PARVB: variants seen among roughly 807,000 people sequenced by gnomAD.
The protein encoded by PARVB is parvin beta.
A neutral mutation model predicts 47.0 loss-of-function variants in PARVB; 46 were observed. The ratio of observed to expected loss-of-function variants is 0.98; its 90% CI spans 0.77 to 1.25. The LOEUF (loss-of-function observed/expected upper bound fraction) is 1.25. PARVB is among the 50% of genes most tolerant of loss of function. The probability of loss-of-function intolerance (pLI) is 0.00; values close to 1 mark genes in which losing one functional copy is unlikely to be tolerated. For missense variants in PARVB, 473 were observed against 471.6 expected (o/e 1.00, Z -0.03); for synonymous variants, 196 against 196.3 (o/e 1.00, Z 0.01).
intron 1 of PARVB, among the ~76,000 whole-genome samples, chr22:44,055,615 G>A (rs1426674781): frequency 1.3e-5 from 2 of 152,036 alleles, no homozygotes; most frequent in South Asian, 2.1e-4. Context: ...TTACAGGCGT[G>A]AGCCACCGCG....
chr22:44,019,794 A>AC (rs1200601062), upstream of PARVB, among the ~76,000 whole-genome samples: 4 of 151,828 alleles, frequency 2.6e-5, no homozygotes, highest in Non-Finnish European at 4.4e-5. Context: ...GGACCCACAC[A>AC]CCCCCCATCA....
At chr22:44,017,731 C>T (rs924924122) in intron 2 of PARVB, among the ~76,000 whole-genome samples, 1 of 152,198 alleles carries the variant, frequency 6.6e-6, no homozygotes, top group African/African-American at 2.4e-5. Context: ...TGTCTTCAGC[C>T]TCTGGACCTC....
At chr22:44,132,309 G>A (rs1347562317) in intron 5 of PARVB, among the ~76,000 whole-genome samples, 3 of 152,222 alleles carry the variant, frequency 2.0e-5, no homozygotes, top group South Asian at 2.1e-4. Flanking sequence ...GGGTGGCTGG[G>A]TCCGTGGGTG....
At chr22:44,122,524 GAGACAGAGA>G (rs2053079085) in intron 4 of PARVB, among the ~76,000 whole-genome samples, 1 of 79,942 alleles carries the variant, frequency 1.3e-5, no homozygotes, top group African/African-American at 5.9e-5. Flanking sequence ...GAGAGACAGA[GAGACAGAGA>G]GAGAGAGAGA....
intron 2 of PARVB, among the ~76,000 whole-genome samples, chr22:44,006,097 C>G (rs909392358): frequency 6.6e-6 from 1 of 152,234 alleles, no homozygotes; most frequent in Admixed American, 6.5e-5. Flanking sequence ...CGCATGCCAC[C>G]ATGCCCAGCT....
chr22:44,100,714 G>A (rs1212422640), intron 3 of PARVB, among the ~76,000 whole-genome samples: 1 of 152,216 alleles, frequency 6.6e-6, no homozygotes, highest in Non-Finnish European at 1.5e-5. Context: ...CTCCAGCGTG[G>A]CTCCTGCTCA....
intron 1 of PARVB, among the ~76,000 whole-genome samples, chr22:44,084,287 C>A (rs369526236): frequency 1.2e-4 from 18 of 152,236 alleles, no homozygotes; most frequent in African/African-American, 4.3e-4. Flanking sequence ...CCTGCTCCAC[C>A]CCAGAGCTGA....
rs1399946515 is a variant in PARVB at position 44,115,185 on chromosome 22, T to G, written c.274-3853T>G. On this transcript the variant is annotated intron_variant, in intron 3 of 12. Transcript: ENST00000338758. ...AAGGCCCTGTACCAACACAGATACT[T>G]TGTTACTAAGTAAGGCCCTGCACCA... 4 of 75,026 alleles carry G rather than the reference T, an allele frequency of 5.3e-5. 2 individuals carry two copies. Among genetic ancestry groups the G allele is most frequent in the African/African-American group, 2.8e-4 (4 of 14,368 alleles). 4.6% of individuals were successfully genotyped at this position (75,026 alleles called of 1,614,324 possible).
upstream of PARVB, among the ~76,000 whole-genome samples, chr22:44,023,161 T>C (rs554689244): frequency 6.6e-6 from 1 of 152,312 alleles, no homozygotes; most frequent in East Asian, 1.9e-4. Flanking sequence ...CTCCAGCACC[T>C]GCTGAGCAGC....
chr22:44,051,567 G>A (rs988767155), intron 1 of PARVB, among the ~76,000 whole-genome samples: 5 of 152,176 alleles, frequency 3.3e-5, no homozygotes, highest in African/African-American at 9.7e-5. Context: ...GCTGGAAGGA[G>A]CCCTTCCTGT....
intron 6 of PARVB, among the ~76,000 whole-genome samples, chr22:44,135,987 C>A (rs899804472): frequency 6.6e-6 from 1 of 152,236 alleles, no homozygotes; most frequent in Non-Finnish European, 1.5e-5. Flanking sequence ...TCTGCAAAGA[C>A]CCTTATTTCC....
intron 1 of PARVB, among the ~76,000 whole-genome samples, chr22:44,075,074 A>G (rs1161775279): frequency 6.6e-6 from 1 of 152,140 alleles, no homozygotes; most frequent in Non-Finnish European, 1.5e-5. Context: ...AAGTGTCTCC[A>G]GATGCCACTA....
At position 44,094,018 on chromosome 22, in the gene PARVB, G is replaced by A. The variant is rs993530980; in HGVS notation, c.202+1G>A. 4 of 1,578,212 alleles carry A rather than the reference G, an allele frequency of 2.5e-6. No individual in the cohort carries two copies. Among genetic ancestry groups the A allele is most frequent in the South Asian group, 2.2e-5 (2 of 89,886 alleles). ...GTTCACCCTGAAGACACCCAGCTTG[G>A]TACGGGGGTTCCTCCGCTCCCTGCC... On this transcript the variant is annotated splice_donor_variant, in intron 2 of 12. Coordinates refer to ENST00000338758, the MANE Select transcript of PARVB (RefSeq NM_013327.5). LOFTEE classifies it high-confidence loss of function.
intron 12 of PARVB, among the ~76,000 whole-genome samples, chr22:44,164,134 C>A (rs1002386496): frequency 6.6e-6 from 1 of 152,172 alleles, no homozygotes; most frequent in African/African-American, 2.4e-5. Flanking sequence ...GCTGGCAGTG[C>A]CGGTTCTTTA....
chr22:44,101,464 T>A (rs1172241915), intron 3 of PARVB, among the ~76,000 whole-genome samples: 1 of 151,452 alleles, frequency 6.6e-6, no homozygotes, highest in East Asian at 1.9e-4. Flanking sequence ...AAAATCTACA[T>A]TGAGACCGGG....
rs770617550 is a variant in PARVB, at chr22:44,093,989, G to T, written c.174G>T (p.Val58=). Residue 58 remains valine (V), a synonymous_variant, in exon 2 of 13, where the codon GTG becomes GTT. Transcript: ENST00000338758. The part of the protein sequence containing the change: ...AINSPMSPAL[V]DVHPEDTQLE... ...ACTCACCGATGTCCCCCGCCCTGGT[G>T]GATGTTCACCCTGAAGACACCCAGC... 3 of 1,611,984 alleles carry T rather than the reference G, an allele frequency of 1.9e-6. No individual in the cohort carries two copies. Among genetic ancestry groups the T allele is most frequent in the African/African-American group, 2.7e-5 (2 of 74,862 alleles).
chr22:44,080,017 C>T (rs571778048), intron 1 of PARVB, among the ~76,000 whole-genome samples: 1 of 152,342 alleles, frequency 6.6e-6, no homozygotes, highest in Non-Finnish European at 1.5e-5. Context: ...AGCCTTAGGG[C>T]CAGTTGTGAT....
intron 1 of PARVB, among the ~76,000 whole-genome samples, chr22:44,066,627 AC>A (rs1334227485): frequency 6.6e-6 from 1 of 152,048 alleles, no homozygotes; most frequent in Non-Finnish European, 1.5e-5. Context: ...CCTGATACGC[AC>A]CCTGTATAAG....
intron 12 of PARVB, among the ~76,000 whole-genome samples, chr22:44,167,325 C>A (rs1296155797): frequency 6.6e-6 from 1 of 152,112 alleles, no homozygotes; most frequent in Admixed American, 6.5e-5. Context: ...GATTCCTATC[C>A]CTGGGCGCAG....
Sources: gnomAD v4.1 joint callset for allele counts (sites outside exome capture counted in the v4.1 genomes callset) on GRCh38, gnomAD v4.1.1 for gene constraint, MANE v1.5 for transcripts, NCBI Gene and HGNC (gene_info 2026-07-23, HGNC 2026-07-21) for gene names.